UCHL3: variants seen among roughly 807,000 people sequenced by gnomAD.
UCHL3 encodes ubiquitin C-terminal hydrolase L3, also known as ubiquitin carboxyl-terminal hydrolase isozyme L3.
A neutral mutation model predicts 35.8 loss-of-function variants in UCHL3; 22 were observed. The ratio of observed to expected loss-of-function variants is 0.61; its 90% CI spans 0.44 to 0.88. UCHL3 has a LOEUF of 0.88. Among genes scored for constraint, UCHL3 ranks in the 40% least tolerant of loss-of-function variants. UCHL3 has a pLI of 0.00. For synonymous variants in UCHL3, 90 were observed against 92.8 expected (o/e 0.97, Z 0.17); for missense variants, 229 against 276.9 (o/e 0.83, Z 1.23).
At chr13:75,567,396 C>A in intron 5 of UCHL3, 84 bp downstream of exon 5, 1 of 1,241,732 alleles carries the variant, frequency 8.1e-7, no homozygotes, top group Non-Finnish European at 1.2e-6. Flanking sequence ...GTCTTGAAAC[C>A]ATAGTTTTGA....
chr13:75,564,605 C>T (rs2031626176), intron 3 of UCHL3, among the ~76,000 whole-genome samples: 1 of 152,132 alleles, frequency 6.6e-6, no homozygotes, highest in African/African-American at 2.4e-5. Flanking sequence ...ATCTGCATTC[C>T]CACCAACAGT....
chr13:75,590,007 C>T (rs1485101757), intron 6 of UCHL3: 2 of 1,304,696 alleles, frequency 1.5e-6, no homozygotes, highest in African/African-American at 1.5e-5. Flanking sequence ...ATTGTGTCAC[C>T]ATGCATCCCT....
chr13:75,585,287 A>C (rs2032292788), intron 6 of UCHL3, among the ~76,000 whole-genome samples: 1 of 152,184 alleles, frequency 6.6e-6, no homozygotes, highest in Non-Finnish European at 1.5e-5. Flanking sequence ...AACAAAGATA[A>C]ATGGAAAATG....
At chr13:75,576,967 A>C (rs1450406851) in intron 6 of UCHL3, among the ~76,000 whole-genome samples, 1 of 152,142 alleles carries the variant, frequency 6.6e-6, no homozygotes, top group Non-Finnish European at 1.5e-5. Context: ...AAAATATTTG[A>C]GGCTGGGCAT....
intron 2 of UCHL3, among the ~76,000 whole-genome samples, chr13:75,555,106 C>T (rs1293208005): frequency 6.6e-6 from 1 of 152,224 alleles, no homozygotes; most frequent in African/African-American, 2.4e-5. Context: ...CCCGCTCATG[C>T]TGTGCTGCAG....
chr13:75,569,528 AT>A (rs765667484), intron 6 of UCHL3, 21 bp downstream of exon 6: 49 of 1,600,318 alleles, frequency 3.1e-5, no homozygotes, highest in Middle Eastern at 3.3e-4. Flanking sequence ...TTTTTTCTAA[AT>A]TTTTCTTGCT....
chr13:75,549,669 G>C, upstream of UCHL3: 1 of 808,984 alleles, frequency 1.2e-6, no homozygotes, highest in Non-Finnish European at 1.8e-6. Flanking sequence ...GCGGTTAAGA[G>C]GGTGAGAGGC....
intron 6 of UCHL3, among the ~76,000 whole-genome samples, chr13:75,572,459 T>G (rs1438432487): frequency 6.6e-6 from 1 of 152,218 alleles, no homozygotes; most frequent in East Asian, 1.9e-4. Flanking sequence ...GTTCACAAAA[T>G]GGTGTGTCAT....
chr13:75,555,394 T>A (rs1464140971), intron 2 of UCHL3, among the ~76,000 whole-genome samples: 1 of 152,236 alleles, frequency 6.6e-6, no homozygotes, highest in Non-Finnish European at 1.5e-5. Flanking sequence ...ACCACTAGAA[T>A]ATAAGTTCTG....
At position 75,560,815 on chromosome 13, in the gene UCHL3, T is replaced by C. The variant is rs756325539; in HGVS notation, c.117T>C (p.Pro39=). The C allele has an allele frequency of 7.5e-6, 12 of 1,593,868 alleles. No homozygotes were observed. The highest frequency in any genetic ancestry group is 9.4e-6 in the Non-Finnish European group (11 of 1,173,414). ...TCGTTGATGTATATGGAATGGATCC[T>C]GAACTCCTTAGCATGGTACCAAGAC... ...WQFVDVYGMD[P]ELLSMVPRPV... Residue 39 remains proline (P), a synonymous_variant, in exon 3 of 9, where the codon CCT becomes CCC. Coordinates refer to ENST00000377595, the MANE Select transcript of UCHL3 (RefSeq NM_006002.5).
At chr13:75,571,493 C>T (rs2031855212) in intron 6 of UCHL3, among the ~76,000 whole-genome samples, 1 of 152,162 alleles carries the variant, frequency 6.6e-6, no homozygotes, top group Admixed American at 6.5e-5. Context: ...GTTTCTGTTT[C>T]TTACAATAGT....
chr13:75,580,326 T>G (rs1329086606), intron 6 of UCHL3, among the ~76,000 whole-genome samples: 1 of 152,198 alleles, frequency 6.6e-6, no homozygotes, highest in Non-Finnish European at 1.5e-5. Flanking sequence ...TACACTGAAA[T>G]TTACTAAAAA....
chr13:75,594,796 A>C (rs896155458), intron 6 of UCHL3, 119 bp from the exon 7 acceptor site: 2 of 777,842 alleles, frequency 2.6e-6, no homozygotes, highest in Non-Finnish European at 2.1e-6. Flanking sequence ...TAAGCCTTGA[A>C]TTATATTGGA....
intron 2 of UCHL3, among the ~76,000 whole-genome samples, chr13:75,554,989 G>A (rs2031243940): frequency 6.6e-6 from 1 of 152,156 alleles, no homozygotes; most frequent in African/African-American, 2.4e-5. Flanking sequence ...GTGAGAACAT[G>A]CGGTATTTGG....
chr13:75,602,944 A>G (rs9318361), intron 7 of UCHL3, among the ~76,000 whole-genome samples: 117,311 of 152,130 alleles, frequency 0.77, 46,004 homozygotes, highest in Middle Eastern at 0.88. Flanking sequence ...AGCTGCATTC[A>G]AAGGAAAATT....
In UCHL3 at chr13:75,578,035, C is replaced by T. The variant is rs1225136708; in HGVS notation, c.474+8528C>T. 3.3e-5 allele frequency among the ~76,000 whole-genome samples: 5 copies of T among 151,998 alleles called. No individual in the cohort carries two copies. The East Asian group carries it at 9.7e-4, about 29-fold the overall frequency. ...GTTTTCTGTTTTTAAATAAACATAC[C>T]AGTATGGAAAAAATAGCAAAAGACA... On this transcript the variant is annotated intron_variant, in intron 6 of 8. Coordinates refer to ENST00000377595, the MANE Select transcript of UCHL3 (RefSeq NM_006002.5).
chr13:75,567,753 G>T (rs2031730139), intron 5 of UCHL3, among the ~76,000 whole-genome samples: 1 of 151,928 alleles, frequency 6.6e-6, no homozygotes. Flanking sequence ...TTGCCATGTT[G>T]GTCAGGCTGG....
At chr13:75,597,704 G>C (rs1283641086) in intron 7 of UCHL3, among the ~76,000 whole-genome samples, 2 of 152,064 alleles carry the variant, frequency 1.3e-5, no homozygotes, top group African/African-American at 4.8e-5. Context: ...AGATGGGGCC[G>C]GTGTCCTGGA....
At chr13:75,555,694 T>A (rs560777304) in intron 2 of UCHL3, among the ~76,000 whole-genome samples, 3 of 152,288 alleles carry the variant, frequency 2.0e-5, no homozygotes, top group African/African-American at 7.2e-5. Flanking sequence ...TCTCCAGTTG[T>A]CTATCATTCT....
Sources: allele counts gnomAD v4.1 joint callset (sites outside exome capture counted in the v4.1 genomes callset), GRCh38; gene constraint gnomAD v4.1.1; transcripts MANE v1.5; gene names NCBI Gene and HGNC (gene_info 2026-07-23, HGNC 2026-07-21).